The following NT5C1B variants were observed in gnomAD, a reference collection of about 807,000 sequenced individuals.
NT5C1B encodes the protein 5'-nucleotidase, cytosolic IB.
In NT5C1B, 44 loss-of-function variants were observed where a neutral mutation model predicts 57.8. That is an observed-to-expected ratio of 0.76 (90% CI 0.60 to 0.98). NT5C1B has a LOEUF of 0.98. Among genes scored for constraint, NT5C1B ranks in the 50% least tolerant of loss-of-function variants. The probability of loss-of-function intolerance (pLI) is 0.00; values close to 1 mark genes in which losing one functional copy is unlikely to be tolerated. For missense variants in NT5C1B, 742 were observed against 719.5 expected (o/e 1.03, Z -0.36); for synonymous variants, 284 against 282.6 (o/e 1.00, Z -0.05).
intron 8 of NT5C1B, among the ~76,000 whole-genome samples, chr2:18,569,845 C>A (rs1664991026): frequency 6.6e-6 from 1 of 151,940 alleles, no homozygotes; most frequent in Non-Finnish European, 1.5e-5. Context: ...AGCAATATGA[C>A]CTGAATTAAT....
Position 18,584,587 on chromosome 2 carries a change from T to C in NT5C1B, c.650A>G (p.Asp217Gly), listed in dbSNP as rs776041346. ...GGATGCCCAGTAGGCAGCCTCGTAG[T>C]CGTCCTCGTCCTCCCGCTGCTGCTG... Residue 217 changes from aspartate (D) to glycine (G), a missense_variant, in exon 4 of 9, where the codon GAC becomes GGC. By Grantham distance (94) the Asp-to-Gly change is moderately conservative (BLOSUM62 -1). Transcript: ENST00000304081. This position sits in a 1 kb window ranked among gnomAD's most constrained non-coding sequence, Gnocchi z 5.8. 1 of 1,612,556 alleles carries C rather than the reference T, an allele frequency of 6.2e-7. No homozygotes were observed. Among genetic ancestry groups the C allele is most frequent in the Non-Finnish European group, 8.5e-7 (1 of 1,179,414 alleles).
chr2:18,589,457 T>A, exon 1 of NT5C1B: 1 of 1,614,138 alleles, frequency 6.2e-7, no homozygotes, highest in African/African-American at 1.3e-5. Context: ...GTTTGAGAGA[T>A]GTTTGACTCA....
At chr2:18,587,401 C>A in intron 2 of NT5C1B, 102 bp downstream of exon 2, 1 of 1,551,406 alleles carries the variant, frequency 6.4e-7, no homozygotes, top group South Asian at 1.3e-5. Flanking sequence ...ATACAATTCT[C>A]AACAGCTTGG....
At chr2:18,576,836 C>A (rs1385941233) in exon 7 of NT5C1B, 26 of 1,613,880 alleles carry the variant, frequency 1.6e-5, no homozygotes, top group Non-Finnish European at 2.1e-5. Flanking sequence ...GTAAGATATG[C>A]CTTCAAATAG....
chr2:18,572,073 G>A (rs1665244437), intron 8 of NT5C1B, among the ~76,000 whole-genome samples: 1 of 109,470 alleles, frequency 9.1e-6, no homozygotes, highest in Admixed American at 9.5e-5. Context: ...GCGACAGAGC[G>A]AGACTCTGTC....
exon 9 of NT5C1B, chr2:18,563,764 G>A (rs1414306052): frequency 1.3e-6 from 2 of 1,487,656 alleles, no homozygotes; most frequent in Non-Finnish European, 1.8e-6. Flanking sequence ...TGTAACACCA[G>A]ACTATCACCA....
intron 3 of NT5C1B, 42 bp from the exon 4 acceptor site, chr2:18,585,020 C>T: frequency 6.3e-7 from 1 of 1,582,952 alleles, no homozygotes; most frequent in Non-Finnish European, 8.5e-7. Flanking sequence ...GGCCTGCCTG[C>T]CCATCTCCGG....
At chr2:18,563,607 C>A in exon 9 of NT5C1B, 1 of 530,266 alleles carries the variant, frequency 1.9e-6, no homozygotes, top group Non-Finnish European at 3.2e-6. Flanking sequence ...ATTGGTAGTT[C>A]AAAGAGAAGT....
At chr2:18,587,183 T>C in intron 2 of NT5C1B, 3 of 1,610,272 alleles carry the variant, frequency 1.9e-6, no homozygotes, top group Non-Finnish European at 2.5e-6. Context: ...TCTGAAAGAT[T>C]GTGCAGAAAG....
intron 6 of NT5C1B, among the ~76,000 whole-genome samples, chr2:18,581,362 A>G (rs1009243848): frequency 2.0e-5 from 3 of 152,222 alleles, no homozygotes; most frequent in Non-Finnish European, 4.4e-5. Context: ...TTATTTATAA[A>G]AGCAAAACAT....
At chr2:18,588,793 A>G (rs138157454) in intron 1 of NT5C1B, among the ~76,000 whole-genome samples, 1 of 152,272 alleles carries the variant, frequency 6.6e-6, no homozygotes, top group Non-Finnish European at 1.5e-5. Flanking sequence ...GTAATGCTTC[A>G]TTCCTGGATA....
intron 6 of NT5C1B, among the ~76,000 whole-genome samples, chr2:18,577,419 T>A (rs1665788252): frequency 1.1e-5 from 1 of 90,000 alleles, no homozygotes; most frequent in Admixed American, 1.4e-4. Context: ...CAAGACTCTG[T>A]CTCAAAAAAA....
chr2:18,565,523 T>G (rs1325771619), intron 8 of NT5C1B, among the ~76,000 whole-genome samples: 1 of 152,206 alleles, frequency 6.6e-6, no homozygotes, highest in Non-Finnish European at 1.5e-5. Context: ...CACTGTCTTT[T>G]GCTTTTGAAT....
rs772475384 is a variant in NT5C1B at position 18,584,639 on chromosome 2, C to G, written c.598G>C (p.Asp200His). The change falls in exon 4 of 9, where the codon GAC (aspartate) becomes CAC (histidine). Residue 200 changes from aspartate to histidine, a missense_variant. Asp to His is a moderately conservative substitution (Grantham distance 81). Coordinates refer to ENST00000304081, the Ensembl canonical transcript of NT5C1B. This position sits in a 1 kb window ranked among gnomAD's most constrained non-coding sequence, Gnocchi z 5.8. ...TGCTGCTCGGACAGAGAGTTGCGGTCCAGCTGGGTGGAGGCGGGGTAGATC... is the reference window on the plus strand; with the variant it reads ...TGCTGCTCGGACAGAGAGTTGCGGTGCAGCTGGGTGGAGGCGGGGTAGATC... The G allele has an allele frequency of 1.4e-5, 22 of 1,612,944 alleles. No individual in the cohort carries two copies. The highest frequency in any genetic ancestry group is 1.8e-5 in the Non-Finnish European group (21 of 1,179,658).
chr2:18,573,857 A>T (rs899895029), intron 8 of NT5C1B, among the ~76,000 whole-genome samples: 3 of 152,176 alleles, frequency 2.0e-5, no homozygotes, highest in African/African-American at 7.2e-5. Context: ...ACTGCATAAT[A>T]AAGGAAAGCA....
At position 18,584,819 on chromosome 2, in the gene NT5C1B, C is replaced by G. The variant is rs528905701; in HGVS notation, c.418G>C (p.Asp140His). ...TTGGTGCTGCGCCGGGAGCCAGGAT[C>G]GGGCTCTGGGGGCGTGGGAGGCCGC... Residue 140 changes from aspartate to histidine, a missense_variant, in exon 4 of 9, where the codon GAT (aspartate) becomes CAT (histidine). Coordinates refer to ENST00000304081, the Ensembl canonical transcript of NT5C1B. The surrounding 1 kb of genome is among the most constrained non-coding windows in gnomAD (Gnocchi z 5.8). 83 of 1,612,576 alleles carry G rather than the reference C, an allele frequency of 5.1e-5. 1 individual carries two copies. In the Middle Eastern group the frequency reaches 9.9e-4, roughly 19 times the overall value.
chr2:18,586,186 A>C, intron 3 of NT5C1B, 68 bp downstream of exon 3: 1 of 1,574,958 alleles, frequency 6.3e-7, no homozygotes, highest in South Asian at 1.2e-5. Flanking sequence ...GCACGTAGAA[A>C]GCATCAATAA....
At chr2:18,568,869 A>T (rs1664896193) in intron 8 of NT5C1B, among the ~76,000 whole-genome samples, 1 of 152,184 alleles carries the variant, frequency 6.6e-6, no homozygotes. Context: ...ATGTTGATTA[A>T]TATCTCATAT....
At chr2:18,576,147 A>C in intron 8 of NT5C1B, 37 bp downstream of exon 8, 1 of 1,536,362 alleles carries the variant, frequency 6.5e-7, no homozygotes, top group Non-Finnish European at 8.7e-7. Flanking sequence ...GAAAATAAAT[A>C]AGTACATAAA....
Sources: gnomAD v4.1 joint callset for allele counts (sites outside exome capture counted in the v4.1 genomes callset) on GRCh38, gnomAD v4.1.1 for gene constraint, Gnocchi (gnomAD v3.1) non-coding constraint, MANE v1.5 for transcripts, NCBI Gene and HGNC (gene_info 2026-07-23, HGNC 2026-07-21) for gene names.